Variants in RNF19B observed in about 807,000 individuals in gnomAD.
RNF19B encodes E3 ubiquitin-protein ligase RNF19B.
RNF19B carries 23 observed loss-of-function variants against 65.5 expected under a neutral mutation model. The observed-to-expected ratio is 0.35, with a 90% CI of 0.25 to 0.50. The LOEUF is 0.50. Ranked by LOEUF, RNF19B falls within the 20% of genes least tolerant of loss-of-function variation. The pLI is 0.98. For missense variants in RNF19B, 794 were observed against 980.0 expected, an observed-to-expected ratio of 0.81 and a Z score of 2.53; for synonymous variants, 372 against 379.6, an observed-to-expected ratio of 0.98 and a Z score of 0.23.
In RNF19B at chr1:32,949,668, T is replaced by C; in HGVS notation, c.742A>G (p.Asn248Asp). 6.2e-7 allele frequency: 1 copy of C among 1,613,866 alleles called. No homozygotes were observed. The highest frequency in any genetic ancestry group is 8.5e-7 in the Non-Finnish European group (1 of 1,179,954). ...TGACGGGCCATATCGCATGTCTGAT[T>C]TGGATGCCATATCTGCTTGCAGTGG... ...CYHCKQIWHP[N>D]QTCDMARQQR... The change falls in exon 2 of 9, where the codon AAT becomes GAT. Residue 248 changes from asparagine to aspartate, a missense_variant. Asn to Asp is a conservative substitution (Grantham distance 23). This residue lies in a region of RNF19B where 374 missense variants were observed against 423.8 expected (regional missense o/e 0.88). Transcript: ENST00000235150.
the RNF19B span, among the ~76,000 whole-genome samples, chr1:32,930,409 T>C: frequency 6.7e-6 from 1 of 149,566 alleles, no homozygotes; most frequent in Non-Finnish European, 1.5e-5. Context: ...CATGCCCGGC[T>C]GATTTTTTTT....
chr1:32,934,894 G>A (rs566236274), downstream of RNF19B, among the ~76,000 whole-genome samples: 8 of 151,948 alleles, frequency 5.3e-5, no homozygotes, highest in East Asian at 2.0e-4. Context: ...GTGCAAAGGC[G>A]CGATCTCGGC....
intron 1 of RNF19B, among the ~76,000 whole-genome samples, chr1:32,957,758 C>A (rs573115107): frequency 6.6e-6 from 1 of 152,134 alleles, no homozygotes; most frequent in Admixed American, 6.6e-5. Flanking sequence ...CGCTTGAACC[C>A]GAGAGGCAGA....
downstream of RNF19B, among the ~76,000 whole-genome samples, chr1:32,934,157 G>T (rs1406224610): frequency 6.6e-6 from 1 of 152,218 alleles, no homozygotes; most frequent in African/African-American, 2.4e-5. Context: ...TGTCCTAGGT[G>T]CAGGGAAATG....
downstream of RNF19B, among the ~76,000 whole-genome samples, chr1:32,934,675 C>T (rs906725774): frequency 3.3e-5 from 5 of 151,928 alleles, no homozygotes; most frequent in Non-Finnish European, 7.4e-5. Context: ...AGCCAGACTC[C>T]GTCTCTAAAT....
rs770919919 is a variant in RNF19B, at chr1:32,937,101, G to A, written c.1901C>T (p.Pro634Leu). 6.2e-7 allele frequency: 1 copy of A among 1,614,154 alleles called. No individual in the cohort carries two copies. The highest frequency in any genetic ancestry group is 1.1e-5 in the South Asian group (1 of 91,078). ...GSGGGGSEED[P>L]PCRHQSCEQK... Reference sequence around the variant, plus strand: ...TTCACAGCTTTGGTGTCTGCAGGGGGGATCCTCTTCACTGCCTCCGCCACC... The same window carrying A: ...TTCACAGCTTTGGTGTCTGCAGGGGAGATCCTCTTCACTGCCTCCGCCACC... The change falls in exon 9 of 9, where the codon CCC (proline) becomes CTC (leucine). Residue 634 changes from proline to leucine, a missense_variant. Physicochemically the swap from Pro to Leu is moderately conservative, Grantham distance 98 (BLOSUM62 -3). Transcript: ENST00000235150.
At position 32,964,392 on chromosome 1, in the gene RNF19B, C is replaced by G; in HGVS notation, c.294G>C (p.Glu98Asp). 1 of 1,313,940 alleles carries G rather than the reference C, an allele frequency of 7.6e-7. No homozygotes were observed. Among genetic ancestry groups the G allele is most frequent in the Non-Finnish European group, 9.7e-7 (1 of 1,032,764 alleles). The allele number at this position is 1,313,940 out of a possible 1,614,324, so 81.4% of individuals were successfully genotyped here. A position where few individuals can be genotyped will look rare whatever the true frequency, so the allele number is the denominator to read the frequency against. The change falls in exon 1 of 9, where the codon GAG (glutamate) becomes GAC (aspartate). Residue 98 changes from glutamate to aspartate, a missense_variant. Glu to Asp is a conservative substitution (Grantham distance 45, BLOSUM62 2). Transcript: ENST00000235150. This position sits in a 1 kb window ranked among gnomAD's most constrained non-coding sequence, Gnocchi z 6.5. The stretch of plus-strand genomic sequence containing the variant: ...CCGCCTCCTCATCGTCGAACCCAGG[C>G]TCCGCCGCCGCCGCCGCGGCCTCCG... ...AEAEAAAAAA[E>D]PGFDDEEAAE...
At chr1:32,948,901 TAATTTTCAGAGC>T (rs1642427537) in intron 2 of RNF19B, among the ~76,000 whole-genome samples, 1 of 152,236 alleles carries the variant, frequency 6.6e-6, no homozygotes, top group Non-Finnish European at 1.5e-5. Context: ...ATATACTTGG[TAATTTTCAGAGC>T]AAGTTATGAA....
intron 1 of RNF19B, 111 bp downstream of exon 1, chr1:32,963,940 T>C: frequency 7.4e-7 from 1 of 1,347,500 alleles, no homozygotes; most frequent in Non-Finnish European, 9.5e-7. Context: ...CCGCCGAAGC[T>C]GCCGCCTTGC....
chr1:32,941,220 A>G (rs900475319), intron 7 of RNF19B, among the ~76,000 whole-genome samples: 1 of 151,770 alleles, frequency 6.6e-6, no homozygotes, highest in African/African-American at 2.4e-5. Flanking sequence ...GAGAAAAAAA[A>G]CAAAAAAAAA....
At position 32,948,212 on chromosome 1, in the gene RNF19B, C is replaced by T. The variant is rs746338555; in HGVS notation, c.983+10G>A. The T allele has an allele frequency of 6.3e-5, 102 of 1,612,952 alleles. No individual in the cohort carries two copies. Among genetic ancestry groups the T allele is most frequent in the Non-Finnish European group, 8.3e-5 (98 of 1,179,472 alleles). On this transcript the variant is annotated intron_variant, in intron 3 of 8. Coordinates refer to ENST00000235150, the MANE Select transcript of RNF19B (RefSeq NM_001300826.2). ...GACTACGAAAGGAATGGATGCATTT[C>T]CCATCTTACCTGAGGTAATGCAAGT...
chr1:32,944,934 C>T (rs965804736), intron 5 of RNF19B, among the ~76,000 whole-genome samples: 48 of 152,070 alleles, frequency 3.2e-4, no homozygotes, highest in Non-Finnish European at 5.3e-4. Context: ...GTGATCCGCC[C>T]GCCTCGGCCT....
chr1:32,960,963 T>G (rs1373131117), intron 1 of RNF19B, among the ~76,000 whole-genome samples: 1 of 151,986 alleles, frequency 6.6e-6, no homozygotes. Flanking sequence ...CAGTGAGCCG[T>G]GATTGCACCA....
At chr1:32,942,688 T>C (rs1455279939) in intron 6 of RNF19B, among the ~76,000 whole-genome samples, 2 of 152,244 alleles carry the variant, frequency 1.3e-5, no homozygotes, top group African/African-American at 4.8e-5. Context: ...TAAAACTAAA[T>C]GACTTGTCCA....
intron 2 of RNF19B, 92 bp downstream of exon 2, chr1:32,949,477 C>T (rs772692227): frequency 9.5e-7 from 1 of 1,050,210 alleles, no homozygotes; most frequent in Non-Finnish European, 1.4e-6. Context: ...CTTTGGAGTA[C>T]TTGGGTTATA....
Position 32,964,327 on chromosome 1 carries a change from G to A in RNF19B, c.359C>T (p.Pro120Leu). Residue 120 changes from proline to leucine, a missense_variant, in exon 1 of 9, where the codon CCG becomes CTG. This residue lies in a region of RNF19B where 374 missense variants were observed against 423.8 expected (regional missense o/e 0.88). Coordinates refer to ENST00000235150, the MANE Select transcript of RNF19B (RefSeq NM_001300826.2). This position sits in a 1 kb window ranked among gnomAD's most constrained non-coding sequence, Gnocchi z 6.5. Reference protein sequence around the residue: ...GGPGAEEVECPLCLVRLPPER... With the variant: ...GGPGAEEVECLLCLVRLPPER... ...AGGCGGCAGCCGCACCAGGCACAGC[G>A]GACACTCCACCTCCTCCGCGCCCGG... is the stretch of plus-strand genomic sequence containing the variant. 1 of 1,500,222 alleles carries A rather than the reference G, an allele frequency of 6.7e-7. No individual in the cohort carries two copies. Among genetic ancestry groups the A allele is most frequent in the Non-Finnish European group, 8.8e-7 (1 of 1,131,386 alleles). 92.9% of individuals were successfully genotyped at this position (1,500,222 alleles called of 1,614,324 possible). A position where few individuals can be genotyped will look rare whatever the true frequency, so the allele number is the denominator to read the frequency against.
chr1:32,952,628 G>C (rs539427080), intron 1 of RNF19B, among the ~76,000 whole-genome samples: 1 of 150,532 alleles, frequency 6.6e-6, no homozygotes, highest in African/African-American at 2.4e-5. Flanking sequence ...TGTAATCCCA[G>C]CTACTCAGGA....
Position 32,942,409 on chromosome 1 carries a change from T to A in RNF19B, c.1453A>T (p.Ile485Phe). ...LKNPSIGESS[I>F]EGLTSVLSTS... ...CTCAATACACTAGTCAGGCCTTCAA[T>A]GCTGCTTTCCCCAATGCTGGGATTC... Residue 485 changes from isoleucine (I) to phenylalanine (F), a missense_variant, in exon 7 of 9, where the codon ATT becomes TTT. By Grantham distance (21) the Ile-to-Phe change is conservative. This residue lies in a region of RNF19B where 368 missense variants were observed against 447.3 expected (regional missense o/e 0.82). Transcript: ENST00000235150. The A allele has an allele frequency of 6.2e-7, 1 of 1,614,234 alleles. No homozygotes were observed. The highest frequency in any genetic ancestry group is 1.3e-5 in the African/African-American group (1 of 75,070).
At chr1:32,954,113 G>A (rs1319370932) in intron 1 of RNF19B, among the ~76,000 whole-genome samples, 3 of 150,930 alleles carry the variant, frequency 2.0e-5, no homozygotes, top group Non-Finnish European at 3.0e-5. Context: ...GTTTCACCAT[G>A]TTGGCCAGGC....
Sources: gnomAD v4.1 joint callset for allele counts (sites outside exome capture counted in the v4.1 genomes callset) on GRCh38, gnomAD v4.1.1 for gene constraint, gnomAD v4.1.1 regional missense constraint, Gnocchi (gnomAD v3.1) non-coding constraint, MANE v1.5 for transcripts, NCBI Gene and HGNC (gene_info 2026-07-23, HGNC 2026-07-21) for gene names.